The following PDE12 variants were observed in gnomAD, a reference collection of about 807,000 sequenced individuals.
The protein encoded by PDE12 is phosphodiesterase 12.
A neutral mutation model predicts 45.4 loss-of-function variants in PDE12; 26 were observed. The ratio of observed to expected loss-of-function variants is 0.57; its 90% CI spans 0.42 to 0.79. The LOEUF (loss-of-function observed/expected upper bound fraction) is 0.79. PDE12 is among the 30% of genes least tolerant of loss of function. The probability of loss-of-function intolerance (pLI) is 0.00; values close to 1 mark genes in which losing one functional copy is unlikely to be tolerated. For synonymous variants in PDE12, 283 were observed against 323.9 expected, an observed-to-expected ratio of 0.87 and a Z score of 1.36; for missense variants, 668 against 790.0, an observed-to-expected ratio of 0.85 and a Z score of 1.85.
the PDE12 span, chr3:57,600,995 C>T: frequency 2.0e-5 from 3 of 152,256 alleles, no homozygotes; most frequent in African/African-American, 7.2e-5. Context: ...TTATTGATCA[C>T]TTGCTAAGCC....
chr3:57,604,616 TTG>T, the PDE12 span, among the ~76,000 whole-genome samples: 9 of 10,288 alleles, frequency 8.7e-4, no homozygotes, highest in Admixed American at 6.5e-3. Context: ...TTTTTTTTTT[TTG>T]GGGGGGGTGG....
At chr3:57,573,441 A>T in the PDE12 span, among the ~76,000 whole-genome samples, 1 of 152,192 alleles carries the variant, frequency 6.6e-6, no homozygotes, top group Non-Finnish European at 1.5e-5. Context: ...TTGCAAGGCC[A>T]CTGCAGGTAT....
chr3:57,569,993 G>A (rs1278249119), downstream of PDE12, among the ~76,000 whole-genome samples: 1 of 151,968 alleles, frequency 6.6e-6, no homozygotes, highest in East Asian at 1.9e-4. Context: ...ATTCACTGAT[G>A]TTTTATATTT....
the PDE12 span, among the ~76,000 whole-genome samples, chr3:57,638,943 A>T: frequency 6.6e-6 from 1 of 152,018 alleles, no homozygotes; most frequent in African/African-American, 2.4e-5. Flanking sequence ...CAGAAAAAAT[A>T]AAAAATTAGC....
chr3:57,630,429 A>T, the PDE12 span: 1 of 1,583,890 alleles, frequency 6.3e-7, no homozygotes, highest in Non-Finnish European at 8.5e-7. Context: ...ACCTCTTCAC[A>T]AAGAGCTTCT....
chr3:57,644,369 G>A, the PDE12 span, among the ~76,000 whole-genome samples: 1 of 151,838 alleles, frequency 6.6e-6, no homozygotes, highest in African/African-American at 2.4e-5. Flanking sequence ...CCAGTGGCAC[G>A]ATCTGAGTTC....
the PDE12 span, chr3:57,631,111 C>T: frequency 1.4e-6 from 1 of 694,372 alleles, no homozygotes; most frequent in Non-Finnish European, 2.4e-6. Context: ...CATCACTCCC[C>T]ACAAGAGATA....
the PDE12 span, chr3:57,597,283 G>A: frequency 6.5e-6 from 5 of 766,360 alleles, no homozygotes; most frequent in African/African-American, 5.2e-5. Flanking sequence ...ACGTCTCAGT[G>A]GCCCCTGTGC....
chr3:57,567,311 C>CAA (rs373564365), downstream of PDE12, among the ~76,000 whole-genome samples: 44 of 115,384 alleles, frequency 3.8e-4, no homozygotes, highest in Middle Eastern at 4.3e-3. Flanking sequence ...GACTCCGTGT[C>CAA]AAAAAAAAAA....
the PDE12 span, among the ~76,000 whole-genome samples, chr3:57,653,480 T>C: frequency 2.5e-4 from 38 of 152,046 alleles, 1 homozygote; most frequent in South Asian, 7.7e-3. Flanking sequence ...GCGCGGTGGC[T>C]CACGCCTGTA....
the PDE12 span, chr3:57,630,909 T>C: frequency 5.0e-6 from 8 of 1,612,676 alleles, no homozygotes; most frequent in Non-Finnish European, 5.1e-6. Context: ...CCAAATAGAT[T>C]TGAATATATT....
At chr3:57,647,921 C>A in the PDE12 span, among the ~76,000 whole-genome samples, 6 of 152,026 alleles carry the variant, frequency 3.9e-5, no homozygotes, top group African/African-American at 1.4e-4. Flanking sequence ...GGTATCCATG[C>A]AGAAGGGAAG....
chr3:57,630,601 A>C, the PDE12 span: 14 of 1,520,662 alleles, frequency 9.2e-6, no homozygotes, highest in Non-Finnish European at 1.2e-5. Flanking sequence ...TAGTCAGAGA[A>C]CCATGTCAAA....
the PDE12 span, chr3:57,575,583 C>G: frequency 6.2e-7 from 1 of 1,613,320 alleles, no homozygotes; most frequent in Non-Finnish European, 8.5e-7. Context: ...CCTAGTTTAT[C>G]TGTCATTTCA....
the PDE12 span, among the ~76,000 whole-genome samples, chr3:57,621,530 C>T: frequency 3.3e-5 from 5 of 151,916 alleles, no homozygotes; most frequent in African/African-American, 9.7e-5. Context: ...ATTAGCCAGG[C>T]GTGGTGGTGC....
the PDE12 span, chr3:57,597,062 C>A: frequency 1.9e-6 from 3 of 1,613,648 alleles, no homozygotes; most frequent in Non-Finnish European, 2.5e-6. Flanking sequence ...TGACTCGCAG[C>A]CCCTCACTCA....
chr3:57,653,317 T>C, the PDE12 span, among the ~76,000 whole-genome samples: 1 of 152,166 alleles, frequency 6.6e-6, no homozygotes, highest in African/African-American at 2.4e-5. Context: ...ACATAGAAGA[T>C]AGGAAGTATA....
the PDE12 span, among the ~76,000 whole-genome samples, chr3:57,624,307 C>T: frequency 2.0e-5 from 3 of 152,010 alleles, no homozygotes; most frequent in Non-Finnish European, 2.9e-5. Context: ...CCCGCCACCA[C>T]GCCTGGCTAA....
chr3:57,604,648 T>A, the PDE12 span, among the ~76,000 whole-genome samples: 1 of 146,700 alleles, frequency 6.8e-6, no homozygotes, highest in Non-Finnish European at 1.5e-5. Flanking sequence ...AGTCTCACTC[T>A]GTTACCCAGG....
Sources: gnomAD v4.1 joint callset for allele counts (sites outside exome capture counted in the v4.1 genomes callset) on GRCh38, gnomAD v4.1.1 for gene constraint, MANE v1.5 for transcripts, NCBI Gene and HGNC (gene_info 2026-07-23, HGNC 2026-07-21) for gene names.